KIAA1671: variants seen among roughly 807,000 people sequenced by gnomAD.
KIAA1671 encodes KIAA1671.
A neutral mutation model predicts 131.2 loss-of-function variants in KIAA1671; 52 were observed. That is an observed-to-expected ratio of 0.40 (90% CI 0.32 to 0.50). The LOEUF (loss-of-function observed/expected upper bound fraction) is 0.50, where lower values mean the gene tolerates loss of function less well. Ranked by LOEUF, KIAA1671 falls within the 20% of genes least tolerant of loss-of-function variation. The pLI, the probability that KIAA1671 is intolerant of heterozygous loss-of-function variation, is 0.73. For missense variants in KIAA1671, 2,360 were observed against 2,364.2 expected, an observed-to-expected ratio of 1.00 and a Z score of 0.04; for synonymous variants, 1,003 against 961.6, an observed-to-expected ratio of 1.04 and a Z score of -0.80.
intron 1 of KIAA1671, among the ~76,000 whole-genome samples, chr22:24,984,912 CAAAAAAAAA>C (rs60969204): frequency 7.4e-5 from 4 of 54,416 alleles, no homozygotes; most frequent in Non-Finnish European, 1.4e-4. Context: ...GACTACGTCT[CAAAAAAAAA>C]AAAAAAAAAA....
intron 6 of KIAA1671, among the ~76,000 whole-genome samples, chr22:25,093,750 C>CTCTCTCTCTCTCTCTCTCTG (rs1930189356): frequency 8.4e-6 from 1 of 118,938 alleles, no homozygotes; most frequent in Admixed American, 8.7e-5. Context: ...CTCTCTCTCT[C>CTCTCTCTCTCTCTCTCTCTG]TCTCTCTCTC....
rs1924557665 is a variant in KIAA1671 at position 25,003,023 on chromosome 22, TC to T, written c.-207-22609del. Among the ~76,000 whole-genome samples, 3 of 152,204 alleles carry T rather than the reference TC, an allele frequency of 2.0e-5. No individual in the cohort carries two copies. In the South Asian group the frequency reaches 6.2e-4, roughly 31 times the overall value. On this transcript the variant is annotated intron_variant, in intron 1 of 12. Coordinates refer to ENST00000358431, the MANE Select transcript of KIAA1671 (RefSeq NM_001145206.2). Reference sequence around the variant, plus strand: ...CTGAGCTCAAAGTGATCCATCCGCCTCGGCCTCCCAAAGTGCTGGGATTACA... The same window carrying T: ...CTGAGCTCAAAGTGATCCATCCGCCTGGCCTCCCAAAGTGCTGGGATTACA...
chr22:25,112,222 G>C, intron 6 of KIAA1671: 1 of 398,956 alleles, frequency 2.5e-6, no homozygotes, highest in Non-Finnish European at 4.4e-6. Flanking sequence ...AGACCCACAT[G>C]ACCCAGTGGA....
intron 6 of KIAA1671, among the ~76,000 whole-genome samples, chr22:25,141,392 C>G (rs1932804836): frequency 7.3e-6 from 1 of 136,864 alleles, no homozygotes. Context: ...GCCACCACAC[C>G]TGGCTAATTT....
intron 1 of KIAA1671, among the ~76,000 whole-genome samples, chr22:25,004,762 T>C (rs1275046629): frequency 6.6e-6 from 1 of 151,520 alleles, no homozygotes; most frequent in Non-Finnish European, 1.5e-5. Context: ...CTGGCTAACA[T>C]GGTGAAATCC....
At chr22:25,093,723 A>ACTCTCTCTCTCTCTCTCT (rs1930148201) in intron 6 of KIAA1671, among the ~76,000 whole-genome samples, 2 of 77,816 alleles carry the variant, frequency 2.6e-5, no homozygotes, top group African/African-American at 1.1e-4. Flanking sequence ...ACACACACAC[A>ACTCTCTCTCTCTCTCTCT]CACACACACA....
intron 6 of KIAA1671, among the ~76,000 whole-genome samples, chr22:25,093,842 C>A (rs867857984): frequency 1.6e-5 from 1 of 64,066 alleles, no homozygotes; most frequent in Non-Finnish European, 3.4e-5. Flanking sequence ...CTGTCTGTCT[C>A]TCTCTCTCTC....
intron 1 of KIAA1671, among the ~76,000 whole-genome samples, chr22:24,964,606 A>C (rs1014572737): frequency 6.6e-6 from 1 of 152,022 alleles, no homozygotes; most frequent in African/African-American, 2.4e-5. Context: ...ATTTTTTTGT[A>C]GAGACAGGAT....
At chr22:24,999,704 AG>A (rs1406886077) in intron 1 of KIAA1671, among the ~76,000 whole-genome samples, 1 of 149,190 alleles carries the variant, frequency 6.7e-6, no homozygotes, top group Non-Finnish European at 1.5e-5. Context: ...CTGGGACTAC[AG>A]GCATGCACCA....
At chr22:25,097,058 A>C (rs758157955) in intron 6 of KIAA1671, among the ~76,000 whole-genome samples, 1 of 152,206 alleles carries the variant, frequency 6.6e-6, no homozygotes, top group Admixed American at 6.5e-5. Context: ...AGCTATTATG[A>C]ATGAAGCTGC....
chr22:25,168,863 T>A (rs2146008554), intron 6 of KIAA1671, among the ~76,000 whole-genome samples: 1 of 151,780 alleles, frequency 6.6e-6, no homozygotes, highest in South Asian at 2.1e-4. Context: ...GGATAGAGAG[T>A]TTGTTTGGAG....
Position 25,029,111 on chromosome 22 carries a change from T to TGGG in KIAA1671, c.1116_1118dup (p.Gly373dup). 6.8e-7 allele frequency: 1 copy of TGGG among 1,470,496 alleles called. No individual in the cohort carries two copies. The highest frequency in any genetic ancestry group is 9.0e-7 in the Non-Finnish European group (1 of 1,109,888). 91.1% of individuals were successfully genotyped at this position (1,470,496 alleles called of 1,614,324 possible). A position where few individuals can be genotyped will look rare whatever the true frequency, so the allele number is the denominator to read the frequency against. On this transcript the variant is annotated inframe_insertion, in exon 3 of 13. Coordinates refer to ENST00000358431, the MANE Select transcript of KIAA1671 (RefSeq NM_001145206.2). ...GAGATGGGCAGCCCCAGAGCCCTGG[T>TGGG]GGGGGGCTCATCTGGGGTCACCCCC...
intron 6 of KIAA1671, among the ~76,000 whole-genome samples, chr22:25,170,195 G>A (rs966070079): frequency 2.0e-5 from 3 of 152,150 alleles, no homozygotes; most frequent in African/African-American, 4.8e-5. Flanking sequence ...TTACAAGAGT[G>A]AGCCACCATG....
intron 11 of KIAA1671, among the ~76,000 whole-genome samples, chr22:25,188,416 T>C (rs1324061520): frequency 1.3e-5 from 2 of 151,466 alleles, no homozygotes. Flanking sequence ...ATTGTATTGT[T>C]CAGAGTTCTC....
At chr22:24,990,668 C>T (rs1483180293) in intron 1 of KIAA1671, among the ~76,000 whole-genome samples, 1 of 152,258 alleles carries the variant, frequency 6.6e-6, no homozygotes, top group African/African-American at 2.4e-5. Context: ...ACAGCAGGCA[C>T]CTGCTCACGT....
intron 6 of KIAA1671, among the ~76,000 whole-genome samples, chr22:25,139,792 A>G (rs1040256411): frequency 6.6e-6 from 1 of 152,222 alleles, no homozygotes; most frequent in Admixed American, 6.5e-5. Context: ...AAGAAATGAA[A>G]GAAATGAAGC....
chr22:25,040,344 G>T lies in KIAA1671; in HGVS notation c.3214G>T (p.Val1072Phe), dbSNP rs2145806309. 2 of 1,551,738 alleles carry T rather than the reference G, an allele frequency of 1.3e-6. No individual in the cohort carries two copies. The highest frequency in any genetic ancestry group is 2.4e-5 in the South Asian group (2 of 84,060). ...TCCTCATTCTTTAACATCCACTTTG[G>T]TTTCTCTTGGTCATGAAGAGGCATT... Reference protein sequence around the residue: ...SSPHSLTSTLVSLGHEEALEM... With the variant: ...SSPHSLTSTLFSLGHEEALEM... The change falls in exon 5 of 13, where the codon GTT (valine) becomes TTT (phenylalanine). Residue 1072 changes from valine to phenylalanine, a missense_variant. By Grantham distance (50) the Val-to-Phe change is conservative. Around this residue, in one of 3 missense-constraint regions of KIAA1671, gnomAD observed 1,161 missense variants for 1,204.7 expected, o/e 0.96. Transcript: ENST00000358431.
chr22:25,093,824 T>TCTCTCTCTCTCTC (rs1555877745), intron 6 of KIAA1671, among the ~76,000 whole-genome samples: 2 of 21,952 alleles, frequency 9.1e-5, no homozygotes, highest in Admixed American at 4.4e-4. Context: ...CTCTCTCTCT[T>TCTCTCTCTCTCTC]TCTCTCTCTG....
rs546534456 is a variant in KIAA1671, at chr22:25,114,893, G to T, written c.4531-55927G>T. Among the ~76,000 whole-genome samples the T allele has an allele frequency of 2.0e-4, 31 of 152,322 alleles. No individual in the cohort carries two copies. In the South Asian group the frequency reaches 6.4e-3, roughly 32 times the overall value. On this transcript the variant is annotated intron_variant, in intron 6 of 12. Transcript: ENST00000358431. ...GGGGCTGGGAGGGGGCAGGATTTTAGTCTTTCTGACCTTGTACATGATTTA... is the reference window on the plus strand; with the variant it reads ...GGGGCTGGGAGGGGGCAGGATTTTATTCTTTCTGACCTTGTACATGATTTA...
Sources: allele counts gnomAD v4.1 joint callset (sites outside exome capture counted in the v4.1 genomes callset), GRCh38; gene constraint gnomAD v4.1.1; regional missense constraint gnomAD v4.1.1; transcripts MANE v1.5; gene names NCBI Gene and HGNC (gene_info 2026-07-23, HGNC 2026-07-21).